Variants in ABCF2 observed in about 807,000 individuals in gnomAD.
ABCF2 encodes ATP binding cassette subfamily F member 2, also known as ATP-binding cassette sub-family F member 2.
ABCF2 carries 37 observed loss-of-function variants against 76.9 expected under a neutral mutation model. The ratio of observed to expected loss-of-function variants is 0.48; its 90% CI spans 0.37 to 0.63. The LOEUF is 0.63. Ranked by LOEUF, ABCF2 falls within the 30% of genes least tolerant of loss-of-function variation. ABCF2 has a pLI of 0.00. For missense variants in ABCF2, 524 were observed against 782.1 expected (o/e 0.67, Z 3.94); for synonymous variants, 299 against 283.7 (o/e 1.05, Z -0.54).
In ABCF2 at chr7:151,225,015, G is replaced by C. The variant is rs74480793; in HGVS notation, c.155-27C>G. The C allele has an allele frequency of 5.6e-6, 9 of 1,603,292 alleles. No individual in the cohort carries two copies. In the African/African-American group the frequency reaches 1.2e-4, roughly 21 times the overall value. On this transcript the variant is annotated intron_variant, in intron 2 of 14. Coordinates refer to ENST00000287844, the MANE Select transcript of ABCF2 (RefSeq NM_007189.3). The stretch of plus-strand genomic sequence containing the variant: ...TGCGGATAGAAAAGCAGTTTGGGAA[G>C]ATGGCGTGAGACAGACTCGGCTCTC...
chr7:151,224,945 C>T lies in ABCF2; in HGVS notation c.198G>A (p.Lys66=). ...CAGTGACAGCTCGAGCAGCAGCTTT[C>T]TTCATCTCAAAGTCCTCTAGCTCCT... The part of the protein sequence containing the change: ...LTKELEDFEM[K]KAAARAVTGV... Residue 66 remains lysine (K), a synonymous_variant, in exon 3 of 15, where the codon AAG becomes AAA. Coordinates refer to ENST00000287844, the MANE Select transcript of ABCF2 (RefSeq NM_007189.3). 6.2e-7 allele frequency: 1 copy of T among 1,614,208 alleles called. No individual in the cohort carries two copies. The highest frequency in any genetic ancestry group is 1.1e-5 in the South Asian group (1 of 91,084).
chr7:151,218,463 G>C (rs533176475), intron 10 of ABCF2, 98 bp downstream of exon 10: 1 of 1,093,994 alleles, frequency 9.1e-7, no homozygotes, highest in Admixed American at 2.0e-5. Flanking sequence ...GAGCACGTGG[G>C]CTAGCAGGTG....
Position 151,212,146 on chromosome 7 carries a change from C to T in ABCF2, c.*1908G>A, listed in dbSNP as rs1802058445. On this transcript the variant is annotated 3_prime_UTR_variant, in exon 15 of 15. Transcript: ENST00000287844. ...GTTTAAGCACCATCTGGGACAGTTGCTCCCGCCAGTCCTGGCTGTATTATG... is the reference window on the plus strand; with the variant it reads ...GTTTAAGCACCATCTGGGACAGTTGTTCCCGCCAGTCCTGGCTGTATTATG... The T allele has an allele frequency of 2.0e-6, 2 of 985,286 alleles. No individual in the cohort carries two copies. The highest frequency in any genetic ancestry group is 4.7e-5 in the South Asian group (1 of 21,292). The allele number at this position is 985,286 out of a possible 1,614,324, so 61.0% of individuals were successfully genotyped here. A position where few individuals can be genotyped will look rare whatever the true frequency, so the allele number is the denominator to read the frequency against.
At chr7:151,221,219 A>G (rs547910864) in intron 7 of ABCF2, among the ~76,000 whole-genome samples, 3 of 122,628 alleles carry the variant, frequency 2.4e-5, no homozygotes, top group Non-Finnish European at 5.3e-5. Flanking sequence ...TTTTTTTTTG[A>G]GATGGAGTCT....
chr7:151,219,046 ACT>A lies in ABCF2; in HGVS notation c.1017+16_1017+17del. On this transcript the variant is annotated intron_variant, in intron 8 of 14. Transcript: ENST00000287844. ...TTTCAGACAGGAGGCCATGAGCCTG[ACT>A]CTGCAGTCTCCCTACCTTCATGTGT... The A allele has an allele frequency of 1.2e-6, 2 of 1,613,148 alleles. No individual in the cohort carries two copies. Among genetic ancestry groups the A allele is most frequent in the Non-Finnish European group, 1.7e-6 (2 of 1,179,504 alleles).
In ABCF2 at chr7:151,225,027, C is replaced by CA. The variant is rs756033730; in HGVS notation, c.155-40dup. 24 of 1,581,286 alleles carry CA rather than the reference C, an allele frequency of 1.5e-5. No individual in the cohort carries two copies. The Admixed American group carries it at 2.8e-4, about 19-fold the overall frequency. On this transcript the variant is annotated intron_variant, in intron 2 of 14. Coordinates refer to ENST00000287844, the MANE Select transcript of ABCF2 (RefSeq NM_007189.3). ...AGCAGTTTGGGAAGATGGCGTGAGA[C>CA]AGACTCGGCTCTCCACAAAGGTCAA...
chr7:151,218,300 A>G (rs1802193424), intron 10 of ABCF2, 109 bp from the exon 11 acceptor site: 1 of 830,650 alleles, frequency 1.2e-6, no homozygotes, highest in Non-Finnish European at 2.0e-6. Flanking sequence ...AGGAAGGGAG[A>G]GTAGCGGGAG....
rs1802107826 is a variant in ABCF2, at chr7:151,214,326, TAA to T, written c.1735-137_1735-136del. 1.5e-6 allele frequency: 2 copies of T among 1,335,538 alleles called. No individual in the cohort carries two copies. Among genetic ancestry groups the T allele is most frequent in the Non-Finnish European group, 1.0e-6 (1 of 959,712 alleles). 82.7% of individuals were successfully genotyped at this position (1,335,538 alleles called of 1,614,324 possible). A position where few individuals can be genotyped will look rare whatever the true frequency, so the allele number is the denominator to read the frequency against. ...ATCCAACTCACTGTCTCACTACTTC[TAA>T]GTTATTTGGGATGTTCTAACCCAAG... On this transcript the variant is annotated intron_variant, in intron 14 of 14. Transcript: ENST00000287844. The surrounding 1 kb of genome is among the most constrained non-coding windows in gnomAD (Gnocchi z 4.9).
rs530447669 is a variant in ABCF2, at chr7:151,213,432, G to A, written c.*622C>T. The stretch of plus-strand genomic sequence containing the variant: ...CATCGACACACTGACGCTGGATCCA[G>A]CTCCTGCTGTGGGCAGTGCATGTTG... On this transcript the variant is annotated 3_prime_UTR_variant, in exon 15 of 15. Transcript: ENST00000287844. 240 of 985,506 alleles carry A rather than the reference G, an allele frequency of 2.4e-4. No homozygotes were observed. The highest frequency in any genetic ancestry group is 8.5e-4 in the South Asian group (18 of 21,282). 61.0% of individuals were successfully genotyped at this position (985,506 alleles called of 1,614,324 possible).
chr7:151,219,133 C>A lies in ABCF2; in HGVS notation c.948G>T (p.Thr316=). 6.2e-7 allele frequency: 1 copy of A among 1,614,016 alleles called. No individual in the cohort carries two copies. The highest frequency in any genetic ancestry group is 1.6e-4 in the Middle Eastern group (1 of 6,062). The stretch of plus-strand genomic sequence containing the variant: ...TCTGGTTCTCCTCCAGCTCTAGCCG[C>A]GTCTTCACGTACTGATCATAATTAC... The part of the protein sequence containing the change: ...YTGNYDQYVK[T]RLELEENQMK... The change falls in exon 8 of 15, where the codon ACG becomes ACT. Residue 316 remains threonine, a synonymous_variant. Coordinates refer to ENST00000287844, the MANE Select transcript of ABCF2 (RefSeq NM_007189.3).
At position 151,213,488 on chromosome 7, in the gene ABCF2, C is replaced by G. The variant is rs964632389; in HGVS notation, c.*566G>C. ...GCAGGGAGGAGAAGGCCCCAGAGAC[C>G]CGAGAAGGAAGGTAGGGACCGTGGC... On this transcript the variant is annotated 3_prime_UTR_variant, in exon 15 of 15. Coordinates refer to ENST00000287844, the MANE Select transcript of ABCF2 (RefSeq NM_007189.3). 1 of 985,620 alleles carries G rather than the reference C, an allele frequency of 1.0e-6. No homozygotes were observed. The highest frequency in any genetic ancestry group is 1.7e-5 in the African/African-American group (1 of 57,198). 61.1% of individuals were successfully genotyped at this position (985,620 alleles called of 1,614,324 possible). A position where few individuals can be genotyped will look rare whatever the true frequency, so the allele number is the denominator to read the frequency against.
In ABCF2 at chr7:151,214,884, G is replaced by C. The variant is rs776103238; in HGVS notation, c.1729C>G (p.Gln577Glu). 1 of 1,614,182 alleles carries C rather than the reference G, an allele frequency of 6.2e-7. No homozygotes were observed. Residue 577 changes from glutamine (Q) to glutamate (E), a missense_variant, in exon 14 of 15, where the codon CAG (glutamine) becomes GAG (glutamate). By Grantham distance (29) the Gln-to-Glu change is conservative. This residue lies in a region of ABCF2 where 194 missense variants were observed against 348.6 expected (regional missense o/e 0.56). Coordinates refer to ENST00000287844, the MANE Select transcript of ABCF2 (RefSeq NM_007189.3). This position sits in a 1 kb window ranked among gnomAD's most constrained non-coding sequence, Gnocchi z 4.9. ...MLVSHDFRLI[Q>E]QVAQEIWVCE... ...CCCCCTGGCCAGGGCCTCACCTGCT[G>C]AATGAGTCTGAAGTCATGGCTGACC...
In ABCF2 at chr7:151,212,912, CCCTAGCCA is replaced by C. The variant is rs1379620662; in HGVS notation, c.*1134_*1141del. 4.4e-6 allele frequency: 1 copy of C among 225,814 alleles called. No individual in the cohort carries two copies. The highest frequency in any genetic ancestry group is 2.3e-5 in the African/African-American group (1 of 42,714). 14.0% of individuals were successfully genotyped at this position (225,814 alleles called of 1,614,324 possible). ...CTCCTGGGCTCAAGCGATCCATCCACCCTAGCCACCTGAGCAGGTGGGATTCCAGGCAC... is the reference window on the plus strand; with the variant it reads ...CTCCTGGGCTCAAGCGATCCATCCACCCTGAGCAGGTGGGATTCCAGGCAC... On this transcript the variant is annotated 3_prime_UTR_variant, in exon 15 of 15. Coordinates refer to ENST00000287844, the MANE Select transcript of ABCF2 (RefSeq NM_007189.3).
Position 151,213,782 on chromosome 7 carries a change from A to C in ABCF2, c.*272T>G, listed in dbSNP as rs1406088770. The C allele has an allele frequency of 7.9e-7, 1 of 1,259,056 alleles. No homozygotes were observed. The highest frequency in any genetic ancestry group is 4.1e-5 in the Admixed American group (1 of 24,438). The allele number at this position is 1,259,056 out of a possible 1,614,324, so 78.0% of individuals were successfully genotyped here. A position where few individuals can be genotyped will look rare whatever the true frequency, so the allele number is the denominator to read the frequency against. On this transcript the variant is annotated 3_prime_UTR_variant, in exon 15 of 15. Transcript: ENST00000287844. ...GTGCCTCTGACTGCATCACACTCAG[A>C]GTAAGATAACCAGCAAGGGGCTGGA...
At position 151,212,510 on chromosome 7, in the gene ABCF2, A is replaced by G; in HGVS notation, c.*1544T>C. 1 of 984,826 alleles carries G rather than the reference A, an allele frequency of 1.0e-6. No homozygotes were observed. The highest frequency in any genetic ancestry group is 1.2e-6 in the Non-Finnish European group (1 of 829,602). 61.0% of individuals were successfully genotyped at this position (984,826 alleles called of 1,614,324 possible). ...GATGCTCAGCAATCTGAATTTTTTT[A>G]TTTTTTTGAGACAGTGTCTCGGTCT... On this transcript the variant is annotated 3_prime_UTR_variant, in exon 15 of 15. Transcript: ENST00000287844.
chr7:151,220,179 CAA>C (rs997373721), intron 7 of ABCF2, among the ~76,000 whole-genome samples: 2 of 148,104 alleles, frequency 1.4e-5, no homozygotes, highest in African/African-American at 5.0e-5. Context: ...ATCATGAGGT[CAA>C]GAGAGGGAGA....
At chr7:151,218,415 G>A (rs1563611512) in intron 10 of ABCF2, 146 bp downstream of exon 10, 1 of 763,540 alleles carries the variant, frequency 1.3e-6, no homozygotes, top group East Asian at 2.7e-5. Flanking sequence ...AGCAGCCTTG[G>A]ATGAGGCACC....
Position 151,212,004 on chromosome 7 carries a change from A to G in ABCF2, c.*2050T>C. ...CTTTCTGGGCAGCTACTCACAAGAAATTTCCCTCCTTTTTGAATACTTCTG... is the reference window on the plus strand; with the variant it reads ...CTTTCTGGGCAGCTACTCACAAGAAGTTTCCCTCCTTTTTGAATACTTCTG... On this transcript the variant is annotated 3_prime_UTR_variant, in exon 15 of 15. Transcript: ENST00000287844. The G allele has an allele frequency of 1.0e-6, 1 of 966,256 alleles. No individual in the cohort carries two copies. Among genetic ancestry groups the G allele is most frequent in the East Asian group, 1.1e-4 (1 of 8,706 alleles). 59.9% of individuals were successfully genotyped at this position (966,256 alleles called of 1,614,324 possible).
intron 2 of ABCF2, among the ~76,000 whole-genome samples, chr7:151,225,527 G>A (rs12531871): frequency 0.08 from 12,125 of 152,316 alleles, 552 homozygotes; most frequent in Admixed American, 0.12. Context: ...ACTGAGAGAC[G>A]CTTCATTATC....
Sources: gnomAD v4.1 joint callset for allele counts (sites outside exome capture counted in the v4.1 genomes callset) on GRCh38, gnomAD v4.1.1 for gene constraint, gnomAD v4.1.1 regional missense constraint, Gnocchi (gnomAD v3.1) non-coding constraint, MANE v1.5 for transcripts, NCBI Gene and HGNC (gene_info 2026-07-23, HGNC 2026-07-21) for gene names.